Variants in HPN observed in about 807,000 individuals in gnomAD.
HPN encodes the protein hepsin.
Under a neutral mutation model 55.9 loss-of-function variants are expected in HPN, and 13 were observed. The ratio of observed to expected loss-of-function variants is 0.23; its 90% CI spans 0.15 to 0.37. The LOEUF is 0.37. Ranked by LOEUF, HPN falls within the 10% of genes least tolerant of loss-of-function variation. The pLI is 1.00. For missense variants in HPN, 451 were observed against 575.8 expected (o/e 0.78, Z 2.22); for synonymous variants, 225 against 240.3 (o/e 0.94, Z 0.59).
At chr19:35,059,344 T>TAGATCTC in intron 4 of HPN, 3 of 451,568 alleles carry the variant, frequency 6.6e-6, no homozygotes, top group Admixed American at 3.4e-5. Flanking sequence ...TAGTCAGGTG[T>TAGATCTC]GGTGGTGCAC....
intron 4 of HPN, among the ~76,000 whole-genome samples, chr19:35,056,380 T>C (rs1171953241): frequency 6.6e-6 from 1 of 152,152 alleles, no homozygotes; most frequent in African/African-American, 2.4e-5. Flanking sequence ...TTCATTGCAG[T>C]GGTGATTTGT....
intron 4 of HPN, among the ~76,000 whole-genome samples, chr19:35,055,403 G>GA (rs55714647): frequency 0.9 from 133,037 of 147,436 alleles, 60,157 homozygotes; most frequent in Middle Eastern, 0.94. Flanking sequence ...TCTCAAAAAA[G>GA]AAAAAAAAAA....
rs1365780290 is a variant in HPN, at chr19:35,059,931, C to G, written c.348C>G (p.Gly116=). ...VRTAGANGTS[G]FFCVDEGRLP... ...CGGCGGGCGCCAATGGCACGTCGGGCTTCTTCTGTGTGGACGAGGGGAGGC... is the reference window on the plus strand; with the variant it reads ...CGGCGGGCGCCAATGGCACGTCGGGGTTCTTCTGTGTGGACGAGGGGAGGC... Residue 116 remains glycine, a synonymous_variant, in exon 6 of 13, where the codon GGC becomes GGG. Coordinates refer to ENST00000672452, the MANE Select transcript of HPN (RefSeq NM_001384133.1). 5 of 1,525,584 alleles carry G rather than the reference C, an allele frequency of 3.3e-6. No homozygotes were observed. Among genetic ancestry groups the G allele is most frequent in the Non-Finnish European group, 4.4e-6 (5 of 1,137,906 alleles). The allele number at this position is 1,525,584 out of a possible 1,614,324, so 94.5% of individuals were successfully genotyped here. A position where few individuals can be genotyped will look rare whatever the true frequency, so the allele number is the denominator to read the frequency against.
At chr19:35,056,218 G>A (rs1375327902) in intron 4 of HPN, among the ~76,000 whole-genome samples, 3 of 151,834 alleles carry the variant, frequency 2.0e-5, no homozygotes, top group East Asian at 1.9e-4. Context: ...CCTCCATGCC[G>A]GCACTCCCCT....
At chr19:35,042,075 C>G (rs1448511271) in intron 1 of HPN, 2 of 1,130,950 alleles carry the variant, frequency 1.8e-6, no homozygotes, top group Non-Finnish European at 2.2e-6. Context: ...TCCTTTCCTC[C>G]CCAGACCCAG....
chr19:35,057,357 C>T (rs1417370937), intron 4 of HPN, among the ~76,000 whole-genome samples: 2 of 150,378 alleles, frequency 1.3e-5, no homozygotes, highest in Non-Finnish European at 1.5e-5. Context: ...ATCCGGGAGG[C>T]GGAGGTTACA....
intron 2 of HPN, among the ~76,000 whole-genome samples, chr19:35,048,722 C>A (rs1023415568): frequency 6.6e-6 from 1 of 151,992 alleles, no homozygotes; most frequent in Admixed American, 6.6e-5. Context: ...AGCAAGACCA[C>A]GTCGCTAAAA....
intron 4 of HPN, among the ~76,000 whole-genome samples, chr19:35,055,234 A>G (rs1447342935): frequency 6.6e-6 from 1 of 152,040 alleles, no homozygotes; most frequent in Non-Finnish European, 1.5e-5. Flanking sequence ...TCCTAACATA[A>G]AAAAATAAAC....
At chr19:35,049,451 C>A (rs369410460) in intron 3 of HPN, 24 bp from the exon 4 acceptor site, 4 of 1,613,040 alleles carry the variant, frequency 2.5e-6, no homozygotes, top group Non-Finnish European at 2.5e-6. Context: ...AGCCTGCCTG[C>A]CCTCACCCCT....
At position 35,060,669 on chromosome 19, in the gene HPN, C is replaced by G. The variant is rs769534418; in HGVS notation, c.663C>G (p.Ala221=). 6.2e-7 allele frequency: 1 copy of G among 1,614,170 alleles called. No homozygotes were observed. The highest frequency in any genetic ancestry group is 8.5e-7 in the Non-Finnish European group (1 of 1,180,044). The change falls in exon 9 of 13, where the codon GCC becomes GCG. Residue 221 remains alanine (A), a synonymous_variant. Transcript: ENST00000672452. ...VLSRWRVFAG[A]VAQASPHGLQ... ...CCCGATGGCGAGTGTTTGCCGGTGC[C>G]GTGGCCCAGGCCTCTCCCCACGGTC...
At chr19:35,043,635 C>T (rs1239945232) in intron 2 of HPN, among the ~76,000 whole-genome samples, 6 of 152,184 alleles carry the variant, frequency 3.9e-5, no homozygotes, top group Non-Finnish European at 2.9e-5. Context: ...CTGGCCTCCT[C>T]GGGTCTCGGC....
Position 35,060,690 on chromosome 19 carries a change from C to T in HPN, c.684C>T (p.His228=), listed in dbSNP as rs766906590. The change falls in exon 9 of 13, where the codon CAC becomes CAT. Residue 228 remains histidine, a synonymous_variant. Transcript: ENST00000672452. ...FAGAVAQASP[H]GLQLGVQAVV... ...GTGCCGTGGCCCAGGCCTCTCCCCA[C>T]GGTCTGCAGCTGGGGGTGCAGGCTG... 16 of 1,614,082 alleles carry T rather than the reference C, an allele frequency of 9.9e-6. No individual in the cohort carries two copies. In the Middle Eastern group the frequency reaches 4.9e-4, roughly 50 times the overall value.
chr19:35,057,790 C>CAACGT (rs2064471194), intron 4 of HPN, among the ~76,000 whole-genome samples: 1 of 152,136 alleles, frequency 6.6e-6, no homozygotes, highest in Admixed American at 6.5e-5. Context: ...AGCCGTTCCA[C>CAACGT]AACGTATACA....
At chr19:35,052,658 C>T (rs2064416717) in intron 4 of HPN, among the ~76,000 whole-genome samples, 1 of 152,054 alleles carries the variant, frequency 6.6e-6, no homozygotes, top group Admixed American at 6.5e-5. Flanking sequence ...TCTTCCTGGA[C>T]TTCCAGACTC....
chr19:35,052,249 G>A (rs922999294), intron 4 of HPN, among the ~76,000 whole-genome samples: 1 of 152,000 alleles, frequency 6.6e-6, no homozygotes, highest in Non-Finnish European at 1.5e-5. Flanking sequence ...GTACTTGGGC[G>A]GGGTGCGGTG....
intron 2 of HPN, among the ~76,000 whole-genome samples, chr19:35,043,030 T>C (rs960379537): frequency 6.6e-6 from 1 of 152,070 alleles, no homozygotes; most frequent in African/African-American, 2.4e-5. Context: ...CAGGCACTGG[T>C]CTGGGGCTCT....
chr19:35,049,539 C>A, intron 4 of HPN, 23 bp downstream of exon 4: 1 of 1,586,310 alleles, frequency 6.3e-7, no homozygotes, highest in East Asian at 2.3e-5. Context: ...GGCTGGGACC[C>A]TCTGGGGGAG....
intron 4 of HPN, 57 bp from the exon 5 acceptor site, chr19:35,059,616 G>C (rs1200604583): frequency 1.9e-6 from 3 of 1,552,106 alleles, no homozygotes; most frequent in Non-Finnish European, 2.6e-6. Context: ...GGCTGGGGAA[G>C]CATGTGGGGA....
In HPN at chr19:35,060,089, A is replaced by G. The variant is rs573580241; in HGVS notation, c.414-40A>G. The stretch of plus-strand genomic sequence containing the variant: ...CTTCCACCTGTCTTAACTGGTCTCT[A>G]TTTCCTTTCTTTCTGTGTCTCCAAT... On this transcript the variant is annotated intron_variant, in intron 6 of 12. Transcript: ENST00000672452. The G allele has an allele frequency of 7.4e-6, 12 of 1,613,796 alleles. No homozygotes were observed. The African/African-American group carries it at 1.6e-4, about 22-fold the overall frequency.
Sources: gnomAD v4.1 joint callset for allele counts (sites outside exome capture counted in the v4.1 genomes callset) on GRCh38, gnomAD v4.1.1 for gene constraint, MANE v1.5 for transcripts, NCBI Gene and HGNC (gene_info 2026-07-23, HGNC 2026-07-21) for gene names.